The following SCYL3 variants were observed in gnomAD, a reference collection of about 807,000 sequenced individuals.
SCYL3 encodes the protein protein-associating with the carboxyl-terminal domain of ezrin.
In SCYL3, 35 loss-of-function variants were observed where a neutral mutation model predicts 73.8. That is an observed-to-expected ratio of 0.47 (90% CI 0.36 to 0.63). The LOEUF is 0.63. Among genes scored for constraint, SCYL3 ranks in the 20% least tolerant of loss-of-function variants. The pLI is 0.00. For synonymous variants in SCYL3, 277 were observed against 295.2 expected, an observed-to-expected ratio of 0.94 and a Z score of 0.63; for missense variants, 712 against 798.9, an observed-to-expected ratio of 0.89 and a Z score of 1.31.
intron 2 of SCYL3, among the ~76,000 whole-genome samples, chr1:169,881,991 C>G (rs1661298471): frequency 6.6e-6 from 1 of 152,268 alleles, no homozygotes; most frequent in Non-Finnish European, 1.5e-5. Flanking sequence ...CCTCCTCTAC[C>G]TGGGTTTCCA....
chr1:169,886,998 T>C (rs532176673), intron 2 of SCYL3, among the ~76,000 whole-genome samples: 2 of 152,322 alleles, frequency 1.3e-5, no homozygotes, highest in South Asian at 4.1e-4. Context: ...AAATATATTG[T>C]TTTAGTATTT....
intron 5 of SCYL3, among the ~76,000 whole-genome samples, chr1:169,872,191 C>G (rs1438483564): frequency 6.6e-6 from 1 of 152,228 alleles, no homozygotes; most frequent in African/African-American, 2.4e-5. Flanking sequence ...CCCAGGGTCC[C>G]CATGCTGTGT....
chr1:169,888,592 T>C, intron 2 of SCYL3, 84 bp downstream of exon 2: 2 of 1,147,276 alleles, frequency 1.7e-6, no homozygotes, highest in Non-Finnish European at 2.5e-6. Flanking sequence ...TTACCTCCTT[T>C]GAACTTTACT....
chr1:169,853,557 T>C lies in SCYL3; in HGVS notation c.*156A>G, dbSNP rs1658704683. Reference sequence around the variant, plus strand: ...GCTTTTAGCCAGCACTCACAGTCAGTCTCCTACTTCAGTTGGCACAGACTG... The same window carrying C: ...GCTTTTAGCCAGCACTCACAGTCAGCCTCCTACTTCAGTTGGCACAGACTG... On this transcript the variant is annotated 3_prime_UTR_variant, in exon 13 of 13. Transcript: ENST00000367771. 1.4e-6 allele frequency: 1 copy of C among 729,202 alleles called. No homozygotes were observed. The highest frequency in any genetic ancestry group is 2.5e-5 in the East Asian group (1 of 39,582). 45.2% of individuals were successfully genotyped at this position (729,202 alleles called of 1,614,324 possible).
rs1337910312 is a variant in SCYL3, at chr1:169,888,668, TA to T, written c.165+7del. On this transcript the variant is annotated splice_region_variant and intron_variant, in intron 2 of 12. Coordinates refer to ENST00000367771, the MANE Select transcript of SCYL3 (RefSeq NM_020423.7). ...TACTAACTATTAAGTCGTCACCTATTATGGTACCTTGGCAGCTTTATTAACC... is the reference window on the plus strand; with the variant it reads ...TACTAACTATTAAGTCGTCACCTATTTGGTACCTTGGCAGCTTTATTAACC... 1 of 1,611,814 alleles carries T rather than the reference TA, an allele frequency of 6.2e-7. No individual in the cohort carries two copies.
intron 3 of SCYL3, among the ~76,000 whole-genome samples, 182 bp from the exon 4 acceptor site, chr1:169,876,273 G>A (rs1187402162): frequency 1.3e-5 from 2 of 152,118 alleles, no homozygotes; most frequent in Admixed American, 1.3e-4. Flanking sequence ...ATAACTTTAA[G>A]AAACAACAAA....
At chr1:169,884,832 T>G (rs912407775) in intron 2 of SCYL3, among the ~76,000 whole-genome samples, 5 of 152,230 alleles carry the variant, frequency 3.3e-5, no homozygotes, top group Admixed American at 3.3e-4. Context: ...GGCACTTAAC[T>G]TAGCAAGAAC....
At chr1:169,875,679 G>A (rs984217113) in intron 4 of SCYL3, among the ~76,000 whole-genome samples, 1 of 152,218 alleles carries the variant, frequency 6.6e-6, no homozygotes, top group Non-Finnish European at 1.5e-5. Context: ...TATGATCCAA[G>A]TAAGTACAAG....
Position 169,888,902 on chromosome 1 carries a change from C to T in SCYL3, c.-50-12G>A, listed in dbSNP as rs894225552. On this transcript the variant is annotated splice_polypyrimidine_tract_variant and intron_variant, in intron 1 of 12. Coordinates refer to ENST00000367771, the MANE Select transcript of SCYL3 (RefSeq NM_020423.7). ...AAAGCCAAGCAGATCTAAAAGAAAA[C>T]AGAAAACAATTTCAAACATTAAATC... 7.7e-6 allele frequency: 11 copies of T among 1,436,392 alleles called. No individual in the cohort carries two copies. The highest frequency in any genetic ancestry group is 1.0e-5 in the Non-Finnish European group (11 of 1,074,844). The allele number at this position is 1,436,392 out of a possible 1,614,324, so 89.0% of individuals were successfully genotyped here.
intron 5 of SCYL3, 66 bp downstream of exon 5, chr1:169,873,630 T>C: frequency 8.8e-7 from 1 of 1,134,926 alleles, no homozygotes; most frequent in Non-Finnish European, 1.3e-6. Context: ...CAGAGGAAAG[T>C]TTTTTAAAAT....
rs1658129795 is a variant in SCYL3, at chr1:169,850,993, TTTTTTTTTTTTTTATTTG to T, written c.*2702_*2719del. The T allele has an allele frequency of 1.8e-5, 1 of 54,182 alleles. No homozygotes were observed. The highest frequency in any genetic ancestry group is 3.9e-5 in the Non-Finnish European group (1 of 25,512). The allele number at this position is 54,182 out of a possible 1,614,324, so 3.4% of individuals were successfully genotyped here. On this transcript the variant is annotated 3_prime_UTR_variant, in exon 13 of 13. Transcript: ENST00000367771. ...ATTTAGGCATGGCTTTTTTTTTTTT[TTTTTTTTTTTTTTATTTG>T]GGCAGCCTCCCAAGCCAGGGTAAGC...
chr1:169,863,940 C>A (rs1659843434), intron 9 of SCYL3, among the ~76,000 whole-genome samples: 1 of 152,158 alleles, frequency 6.6e-6, no homozygotes, highest in African/African-American at 2.4e-5. Context: ...GCAATAACCT[C>A]ATTTCACATT....
At chr1:169,859,605 C>G (rs1659468857) in intron 10 of SCYL3, among the ~76,000 whole-genome samples, 1 of 152,182 alleles carries the variant, frequency 6.6e-6, no homozygotes, top group Non-Finnish European at 1.5e-5. Context: ...AGGGTACTAA[C>G]AGTTATGTTC....
intron 2 of SCYL3, among the ~76,000 whole-genome samples, chr1:169,879,570 T>C (rs1361168449): frequency 6.6e-6 from 1 of 152,174 alleles, no homozygotes; most frequent in Non-Finnish European, 1.5e-5. Context: ...AGCTGCCTGC[T>C]AAATAAAAAA....
intron 5 of SCYL3, among the ~76,000 whole-genome samples, chr1:169,871,245 G>A (rs1006855314): frequency 5.3e-5 from 8 of 152,112 alleles, no homozygotes; most frequent in East Asian, 1.9e-4. Flanking sequence ...CAATTCCCAC[G>A]TGTCCTGGGA....
rs1658510767 is a variant in SCYL3, at chr1:169,852,514, G to A, written c.*1199C>T. 1 of 456,246 alleles carries A rather than the reference G, an allele frequency of 2.2e-6. No individual in the cohort carries two copies. The highest frequency in any genetic ancestry group is 2.9e-5 in the South Asian group (1 of 34,300). 28.3% of individuals were successfully genotyped at this position (456,246 alleles called of 1,614,324 possible). The stretch of plus-strand genomic sequence containing the variant: ...TATAAGACATGTAAGCTTGGACTAT[G>A]CAGCACTTCTCATTGGGAGCCCTTT... On this transcript the variant is annotated 3_prime_UTR_variant, in exon 13 of 13. Transcript: ENST00000367771.
chr1:169,860,366 A>G (rs546423518), intron 10 of SCYL3, among the ~76,000 whole-genome samples: 1 of 152,364 alleles, frequency 6.6e-6, no homozygotes, highest in African/African-American at 2.4e-5. Context: ...ATAAGGAAGG[A>G]AATGACCTTC....
At chr1:169,874,199 A>C (rs551909690) in intron 4 of SCYL3, among the ~76,000 whole-genome samples, 1 of 152,344 alleles carries the variant, frequency 6.6e-6, no homozygotes, top group South Asian at 2.1e-4. Context: ...AACCTTAGTT[A>C]TGGAGACAAA....
rs1658014999 is a variant in SCYL3, at chr1:169,850,610, A to T, written c.*3103T>A. On this transcript the variant is annotated 3_prime_UTR_variant, in exon 13 of 13. Coordinates refer to ENST00000367771, the MANE Select transcript of SCYL3 (RefSeq NM_020423.7). ...CAGGAGTTCAAGACCAGCCTGGCCA[A>T]CATGGGGAAACCCTGTTTCTACTAA... is the stretch of plus-strand genomic sequence containing the variant. The T allele has an allele frequency of 3.8e-6, 1 of 264,050 alleles. No homozygotes were observed. The highest frequency in any genetic ancestry group is 7.3e-6 in the Non-Finnish European group (1 of 136,700). The allele number at this position is 264,050 out of a possible 1,614,324, so 16.4% of individuals were successfully genotyped here. A position where few individuals can be genotyped will look rare whatever the true frequency, so the allele number is the denominator to read the frequency against.
Sources: gnomAD v4.1 joint callset for allele counts (sites outside exome capture counted in the v4.1 genomes callset) on GRCh38, gnomAD v4.1.1 for gene constraint, MANE v1.5 for transcripts, NCBI Gene and HGNC (gene_info 2026-07-23, HGNC 2026-07-21) for gene names.